Variants in CA10 observed in about 807,000 individuals in gnomAD.
CA10 encodes carbonic anhydrase-related protein 10.
CA10 carries 14 observed loss-of-function variants against 44.2 expected under a neutral mutation model. The ratio of observed to expected loss-of-function variants is 0.32; its 90% CI spans 0.21 to 0.50. The LOEUF (loss-of-function observed/expected upper bound fraction) is 0.50, where lower values mean the gene tolerates loss of function less well. Among genes scored for constraint, CA10 ranks in the 20% least tolerant of loss-of-function variants. The pLI, the probability that CA10 is intolerant of heterozygous loss-of-function variation, is 0.99. For synonymous variants in CA10, 159 were observed against 141.6 expected (o/e 1.12, Z -0.87); for missense variants, 350 against 409.7 (o/e 0.85, Z 1.26).
chr17:52,152,843 G>T (rs1273523136), intron 1 of CA10, among the ~76,000 whole-genome samples: 1 of 152,000 alleles, frequency 6.6e-6, no homozygotes, highest in Non-Finnish European at 1.5e-5. Context: ...AATAGGCAAA[G>T]CAAATATAAT....
intron 1 of CA10, among the ~76,000 whole-genome samples, chr17:52,118,328 T>C (rs751560884): frequency 6.6e-6 from 1 of 152,206 alleles, no homozygotes; most frequent in Non-Finnish European, 1.5e-5. Flanking sequence ...GAAAAATTTT[T>C]TGGAAAACAA....
At chr17:51,636,073 C>T in intron 6 of CA10, 64 bp from the exon 7 acceptor site, 1 of 752,798 alleles carries the variant, frequency 1.3e-6, no homozygotes, top group Non-Finnish European at 2.2e-6. Context: ...TGCTGACATA[C>T]ATACATACAT....
At chr17:52,045,282 C>T (rs535086114) in intron 2 of CA10, among the ~76,000 whole-genome samples, 61 of 150,288 alleles carry the variant, frequency 4.1e-4, no homozygotes, top group African/African-American at 1.3e-3. Flanking sequence ...CATTCATTGC[C>T]GAGAGCTCTG....
intron 2 of CA10, among the ~76,000 whole-genome samples, chr17:52,043,229 T>A (rs1161725016): frequency 6.6e-6 from 1 of 152,122 alleles, no homozygotes; most frequent in African/African-American, 2.4e-5. Flanking sequence ...AATATCATTC[T>A]ATTTATTTGT....
chr17:51,821,054 TCCC>T (rs1567850811), intron 3 of CA10, among the ~76,000 whole-genome samples: 4 of 32,598 alleles, frequency 1.2e-4, no homozygotes, highest in African/African-American at 3.6e-4. Context: ...CCTCCCTCCC[TCCC>T]TCCCTCTCTC....
chr17:52,114,506 T>C (rs763526444), intron 1 of CA10, among the ~76,000 whole-genome samples: 1 of 152,224 alleles, frequency 6.6e-6, no homozygotes, highest in Non-Finnish European at 1.5e-5. Context: ...AATGTGCTAA[T>C]ACATGTGAAG....
chr17:52,033,253 GATTTC>G (rs1986520939), intron 2 of CA10, among the ~76,000 whole-genome samples: 1 of 152,122 alleles, frequency 6.6e-6, no homozygotes, highest in Admixed American at 6.5e-5. Context: ...ACAATTAGAA[GATTTC>G]ATTTTTCCCC....
chr17:51,951,212 A>G (rs1435534157), intron 2 of CA10, among the ~76,000 whole-genome samples: 1 of 152,172 alleles, frequency 6.6e-6, no homozygotes, highest in Non-Finnish European at 1.5e-5. Context: ...TCCAACAGAT[A>G]TTGAGCCAAT....
At chr17:51,932,207 C>T (rs1982693954) in intron 2 of CA10, among the ~76,000 whole-genome samples, 1 of 152,068 alleles carries the variant, frequency 6.6e-6, no homozygotes, top group African/African-American at 2.4e-5. Flanking sequence ...GGAAGCCAAT[C>T]CTGCCATGGT....
intron 2 of CA10, among the ~76,000 whole-genome samples, chr17:52,041,977 G>A (rs1270707108): frequency 1.3e-5 from 2 of 151,912 alleles, no homozygotes; most frequent in South Asian, 2.1e-4. Context: ...AAAATCACAT[G>A]TTCTTTATCC....
At chr17:51,697,114 T>G (rs972074241) in intron 4 of CA10, among the ~76,000 whole-genome samples, 3 of 151,232 alleles carry the variant, frequency 2.0e-5, no homozygotes, top group African/African-American at 7.3e-5. Context: ...GTGTTAGAGC[T>G]GAACTGTACT....
At chr17:52,084,323 T>C (rs1156501001) in intron 1 of CA10, among the ~76,000 whole-genome samples, 2 of 152,226 alleles carry the variant, frequency 1.3e-5, no homozygotes, top group Admixed American at 6.5e-5. Context: ...ATGTATATCA[T>C]AGCTCAACAT....
At chr17:52,041,654 A>G (rs1289697779) in intron 2 of CA10, among the ~76,000 whole-genome samples, 1 of 152,132 alleles carries the variant, frequency 6.6e-6, no homozygotes, top group Non-Finnish European at 1.5e-5. Context: ...TATAGTCACC[A>G]TGCTGTACAT....
intron 3 of CA10, among the ~76,000 whole-genome samples, chr17:51,828,226 G>C (rs1009449130): frequency 1.3e-5 from 2 of 152,190 alleles, no homozygotes; most frequent in African/African-American, 2.4e-5. Flanking sequence ...GGGCACTGCA[G>C]ACAGTGGTTT....
chr17:51,719,403 G>C (rs1044527279), intron 4 of CA10, among the ~76,000 whole-genome samples: 2 of 152,164 alleles, frequency 1.3e-5, no homozygotes, highest in Non-Finnish European at 2.9e-5. Context: ...TTGGGGAATT[G>C]AAGGGAAGAT....
At chr17:52,028,226 A>G (rs977350597) in intron 2 of CA10, among the ~76,000 whole-genome samples, 3 of 152,164 alleles carry the variant, frequency 2.0e-5, no homozygotes, top group Non-Finnish European at 4.4e-5. Context: ...CCAAATTCTT[A>G]CACCTCTCAA....
At chr17:51,859,646 T>G (rs887195424) in intron 3 of CA10, among the ~76,000 whole-genome samples, 9 of 152,146 alleles carry the variant, frequency 5.9e-5, no homozygotes, top group African/African-American at 1.2e-4. Flanking sequence ...GATGTGATTT[T>G]GGGCACATTA....
chr17:51,920,602 TA>T (rs1982191624), intron 3 of CA10, among the ~76,000 whole-genome samples: 1 of 152,184 alleles, frequency 6.6e-6, no homozygotes, highest in Admixed American at 6.5e-5. Context: ...GAGATTTGCC[TA>T]ATGACTCTGC....
intron 3 of CA10, among the ~76,000 whole-genome samples, chr17:51,852,979 G>A (rs1210831040): frequency 1.3e-5 from 2 of 151,902 alleles, no homozygotes; most frequent in Non-Finnish European, 2.9e-5. Context: ...ACCCTAATTT[G>A]TCTAAGCTGT....
Sources: allele counts gnomAD v4.1 joint callset (sites outside exome capture counted in the v4.1 genomes callset), GRCh38; gene constraint gnomAD v4.1.1; transcripts MANE v1.5; gene names NCBI Gene and HGNC (gene_info 2026-07-23, HGNC 2026-07-21).